The following ANK1 variants were observed in gnomAD, a reference collection of about 807,000 sequenced individuals.
ANK1 encodes ankyrin-1.
ANK1 carries 51 observed loss-of-function variants against 210.4 expected under a neutral mutation model. The observed-to-expected ratio is 0.24, with a 90% CI of 0.19 to 0.31. ANK1 has a LOEUF of 0.31. Among genes scored for constraint, ANK1 ranks in the 10% least tolerant of loss-of-function variants. The pLI is 1.00. For missense variants in ANK1, 2,051 were observed against 2,504.4 expected (o/e 0.82, Z 3.86); for synonymous variants, 967 against 1,025.9 (o/e 0.94, Z 1.10).
chr8:41,689,829 G>A (rs147974876), intron 33 of ANK1, among the ~76,000 whole-genome samples: 1 of 152,160 alleles, frequency 6.6e-6, no homozygotes, highest in African/African-American at 2.4e-5. Flanking sequence ...GCCGTGCAGG[G>A]GCTGGGAGAC....
At chr8:41,665,118 C>A in intron 39 of ANK1, 1 of 1,557,440 alleles carries the variant, frequency 6.4e-7, no homozygotes, top group Non-Finnish European at 8.6e-7. Context: ...CCTGAGTCCC[C>A]CAGGGACCCC....
At chr8:41,715,915 A>G in intron 13 of ANK1, 66 bp from the exon 14 acceptor site, 1 of 1,593,532 alleles carries the variant, frequency 6.3e-7, no homozygotes, top group South Asian at 1.1e-5. Context: ...TTTTCATCTT[A>G]CAGAGAAGCA....
At chr8:41,715,991 G>T in intron 13 of ANK1, 142 bp from the exon 14 acceptor site, 1 of 980,524 alleles carries the variant, frequency 1.0e-6, no homozygotes, top group Non-Finnish European at 1.6e-6. Flanking sequence ...GAAGAGTCAG[G>T]ATTCGAATCA....
chr8:41,710,657 C>G lies in ANK1; in HGVS notation c.1801-1682G>C, dbSNP rs569959415. On this transcript the variant is annotated intron_variant, in intron 16 of 42. Transcript: ENST00000289734. ...GTCCTGGACATGCGCCCACCCAGGC[C>G]CATAGCAGATGGCTGCCCAACGTGG... 1.3e-3 allele frequency among the ~76,000 whole-genome samples: 197 copies of G among 152,350 alleles called. 1 individual carries two copies. Among genetic ancestry groups the G allele is most frequent in the African/African-American group, 4.6e-3 (191 of 41,580 alleles).
rs572098639 is a variant in ANK1, at chr8:41,672,728, C to G, written c.4722G>C (p.Thr1574=). ...SDMQVWSAGL[T]PSLVTAEDSS... is the part of the protein sequence containing the mutation. ...AGTCCTCAGCAGTGACCAGAGAAGG[C>G]GTGAGGCCCGCAGACCACACCTGCA... The change falls in exon 38 of 43, where the codon ACG becomes ACC. Residue 1574 remains threonine (T), a synonymous_variant. Coordinates refer to ENST00000289734, the MANE Select transcript of ANK1 (RefSeq NM_000037.4). 3.1e-6 allele frequency: 5 copies of G among 1,607,160 alleles called. No homozygotes were observed. The Admixed American group carries it at 6.7e-5, about 21-fold the overall frequency.
Position 41,822,106 on chromosome 8 carries a change from GAGAGAGAGAAAGAAAGAGAAAGAA to G in ANK1, c.127-63993_127-63970del, listed in dbSNP as rs1563845107. The stretch of plus-strand genomic sequence containing the variant: ...AGAGAGAGAGAGAGAGAGAGAGAGA[GAGAGAGAGAAAGAAAGAGAAAGAA>G]AGAGAAAGAAAGAAAGAAAGAAAGA... On this transcript the variant is annotated intron_variant, in intron 1 of 42. Coordinates refer to the ANK1 transcript ENST00000265709. Among the ~76,000 whole-genome samples the G allele has an allele frequency of 4.1e-4, 14 of 34,386 alleles. 1 individual carries two copies. Among genetic ancestry groups the G allele is most frequent in the African/African-American group, 1.5e-3 (13 of 8,812 alleles). The allele number at this position is 34,386 out of a possible 152,430, so 22.6% of individuals were successfully genotyped here.
chr8:41,896,253 C>G (rs1820511364), intron 1 of ANK1: 4 of 1,395,146 alleles, frequency 2.9e-6, no homozygotes, highest in Non-Finnish European at 3.7e-6. Flanking sequence ...TCCGCCGCAC[C>G]GGGCGCCGCG....
At chr8:41,818,214 C>A (rs1286367811) in intron 1 of ANK1, among the ~76,000 whole-genome samples, 1 of 152,170 alleles carries the variant, frequency 6.6e-6, no homozygotes, top group Non-Finnish European at 1.5e-5. Flanking sequence ...ATGTTTCCCG[C>A]CTGAGCTAAT....
intron 7 of ANK1, 151 bp from the exon 8 acceptor site, chr8:41,723,784 TA>T (rs1829944925): frequency 1.4e-4 from 71 of 509,242 alleles, no homozygotes; most frequent in Non-Finnish European, 2.0e-4. Flanking sequence ...TATTTTTTTT[TA>T]TTTTTTATTT....
chr8:41,765,775 C>A (rs1352911206), intron 1 of ANK1, among the ~76,000 whole-genome samples: 1 of 152,174 alleles, frequency 6.6e-6, no homozygotes, highest in Non-Finnish European at 1.5e-5. Context: ...ACTTCCTGAG[C>A]AGATACTAAT....
At chr8:41,702,249 G>A in intron 20 of ANK1, 105 bp from the exon 21 acceptor site, 2 of 878,170 alleles carry the variant, frequency 2.3e-6, no homozygotes, top group South Asian at 3.0e-5. Context: ...TGTTCAGGAG[G>A]ACCTGAGTGG....
At chr8:41,866,260 G>C (rs10087908) in intron 1 of ANK1, among the ~76,000 whole-genome samples, 19,155 of 152,232 alleles carry the variant, frequency 0.13, 2,055 homozygotes, top group African/African-American at 0.28. Flanking sequence ...CGTGATCACA[G>C]CTCATTGCGG....
intron 1 of ANK1, among the ~76,000 whole-genome samples, chr8:41,853,320 G>A (rs545316597): frequency 4.6e-4 from 70 of 152,220 alleles, no homozygotes; most frequent in Non-Finnish European, 8.7e-4. Flanking sequence ...TGCTTACGAT[G>A]TATCTTCATT....
intron 37 of ANK1, among the ~76,000 whole-genome samples, chr8:41,674,925 C>T (rs1193853126): frequency 6.6e-6 from 1 of 152,218 alleles, no homozygotes; most frequent in Non-Finnish European, 1.5e-5. Context: ...AGTCACTGTA[C>T]ATGAAACTGT....
At chr8:41,893,228 T>C (rs62508244) in intron 1 of ANK1, among the ~76,000 whole-genome samples, 1 of 152,070 alleles carries the variant, frequency 6.6e-6, no homozygotes, top group Non-Finnish European at 1.5e-5. Context: ...ATGCCTGCTT[T>C]ACACATGCTT....
chr8:41,858,471 T>G (rs1812635492), intron 1 of ANK1, among the ~76,000 whole-genome samples: 1 of 152,184 alleles, frequency 6.6e-6, no homozygotes, highest in African/African-American at 2.4e-5. Context: ...GGAGGCCCTG[T>G]GGGCTGTACC....
intron 1 of ANK1, among the ~76,000 whole-genome samples, chr8:41,806,780 T>C (rs10107121): frequency 0.079 from 11,955 of 152,104 alleles, 666 homozygotes; most frequent in African/African-American, 0.15. Context: ...TAAGAGCAGA[T>C]TGTGACAGGC....
At position 41,805,011 on chromosome 8, in the gene ANK1, CT is replaced by C. The variant is rs1242928990; in HGVS notation, c.127-46875del. Among the ~76,000 whole-genome samples the C allele has an allele frequency of 2.0e-5, 3 of 152,030 alleles. No individual in the cohort carries two copies. In the East Asian group the frequency reaches 5.8e-4, roughly 29 times the overall value. The stretch of plus-strand genomic sequence containing the variant: ...ACTCAAACTTTTTTATCTCGGGACC[CT>C]TTTACAGTAAAAAATATTAAGGATC... On this transcript the variant is annotated intron_variant, in intron 1 of 42. Transcript: ENST00000265709.
chr8:41,803,080 G>GGAAGGGAAGGAAAGGAAAGGAAAGGA (rs1554631046), intron 1 of ANK1, among the ~76,000 whole-genome samples: 35 of 46,204 alleles, frequency 7.6e-4, no homozygotes, highest in Non-Finnish European at 1.3e-3. Context: ...AGGAAGGAAG[G>GGAAGGGAAGGAAAGGAAAGGAAAGGA]AAGGGAAGGA....
Sources: allele counts gnomAD v4.1 joint callset (sites outside exome capture counted in the v4.1 genomes callset), GRCh38; gene constraint gnomAD v4.1.1; transcripts MANE v1.5; gene names NCBI Gene and HGNC (gene_info 2026-07-23, HGNC 2026-07-21).